The following INSR variants were observed in gnomAD, a reference collection of about 807,000 sequenced individuals.
The protein encoded by INSR is IR.
Under a neutral mutation model 142.6 loss-of-function variants are expected in INSR, and 67 were observed. That is an observed-to-expected ratio of 0.47 (90% CI 0.39 to 0.58). The LOEUF (loss-of-function observed/expected upper bound fraction) is 0.58, where lower values mean the gene tolerates loss of function less well. Among genes scored for constraint, INSR ranks in the 20% least tolerant of loss-of-function variants. INSR has a pLI of 0.00. For missense variants in INSR, 1,248 were observed against 1,833.2 expected (o/e 0.68, Z 5.83); for synonymous variants, 756 against 743.1 (o/e 1.02, Z -0.28).
chr19:7,182,908 C>CA (rs386388474), intron 3 of INSR, among the ~76,000 whole-genome samples: 7,301 of 80,558 alleles, frequency 0.091, 277 homozygotes, highest in Non-Finnish European at 0.1. Flanking sequence ...ATACACTGGC[C>CA]AAAAAAAAAA....
intron 2 of INSR, among the ~76,000 whole-genome samples, chr19:7,213,005 G>A (rs1348444312): frequency 6.6e-6 from 1 of 152,060 alleles, no homozygotes; most frequent in Non-Finnish European, 1.5e-5. Context: ...TCCTTTTTCA[G>A]CTCTGTTTAA....
intron 2 of INSR, among the ~76,000 whole-genome samples, chr19:7,224,778 G>A (rs535572344): frequency 6.6e-6 from 1 of 152,304 alleles, no homozygotes; most frequent in African/African-American, 2.4e-5. Context: ...CTAACCAATA[G>A]CAGGTGGGCT....
chr19:7,285,603 T>C (rs1968327233), intron 1 of INSR, among the ~76,000 whole-genome samples: 1 of 152,002 alleles, frequency 6.6e-6, no homozygotes, highest in African/African-American at 2.4e-5. Flanking sequence ...ACCACTGCAC[T>C]CCAGCCTGGG....
chr19:7,207,571 G>A (rs1451656593), intron 2 of INSR, among the ~76,000 whole-genome samples: 2 of 140,080 alleles, frequency 1.4e-5, no homozygotes, highest in African/African-American at 2.6e-5. Flanking sequence ...CGAGAATAAA[G>A]CAACCATCTC....
intron 16 of INSR, among the ~76,000 whole-genome samples, chr19:7,126,065 GCCCTGGAGCTTT>G (rs1180354108): frequency 3.3e-5 from 5 of 152,198 alleles, no homozygotes; most frequent in Middle Eastern, 3.4e-3. Context: ...CCTGGAGCTT[GCCCTGGAGCTTT>G]CTACTAGGAA....
At position 7,146,236 on chromosome 19, in the gene INSR, C is replaced by CCTTTTTTTTTTTTTTTTTTTTTTTT. The variant is rs1424523294; in HGVS notation, c.2268-3147_2268-3146insAAAAAAAAAAAAAAAAAAAAAAAAG. On this transcript the variant is annotated intron_variant, in intron 11 of 21. Transcript: ENST00000302850. ...TTCAGTGCAGTATCTTTGTCAAGTT[C>CCTTTTTTTTTTTTTTTTTTTTTTTT]TTTTTTTTTTTTTTTTTTTTTTGAG... 7.2e-5 allele frequency among the ~76,000 whole-genome samples: 8 copies of CCTTTTTTTTTTTTTTTTTTTTTTTT among 110,756 alleles called. 4 individuals carry two copies. The highest frequency in any genetic ancestry group is 1.9e-4 in the Admixed American group (2 of 10,702). 72.7% of individuals were successfully genotyped at this position (110,756 alleles called of 152,430 possible).
Position 7,195,641 on chromosome 19 carries a change from C to CA in INSR, c.653-11005dup, listed in dbSNP as rs199523829. 1.6e-3 allele frequency among the ~76,000 whole-genome samples: 227 copies of CA among 143,528 alleles called. 8 individuals are homozygous for CA. The East Asian group carries it at 0.038, about 24-fold the overall frequency. 94.2% of individuals were successfully genotyped at this position (143,528 alleles called of 152,430 possible). On this transcript the variant is annotated intron_variant, in intron 2 of 21. Coordinates refer to ENST00000302850, the MANE Select transcript of INSR (RefSeq NM_000208.4). ...TGGGTGACAGAGTAAGACTCCGCCTCAAAAAAAAATAAAAATAAATAAATA... is the reference window on the plus strand; with the variant it reads ...TGGGTGACAGAGTAAGACTCCGCCTCAAAAAAAAAATAAAAATAAATAAATA...
chr19:7,157,562 C>CTACA (rs148710462), intron 9 of INSR, among the ~76,000 whole-genome samples: 1,899 of 152,080 alleles, frequency 0.012, 35 homozygotes, highest in African/African-American at 0.044. Context: ...CGCACCCAGC[C>CTACA]TACAATACTT....
chr19:7,122,679 A>G lies in INSR; in HGVS notation c.3464T>C (p.Phe1155Ser). Residue 1155 changes from phenylalanine (F) to serine (S), a missense_variant, in exon 19 of 22, where the codon TTT (phenylalanine) becomes TCT (serine). Physicochemically the swap from Phe to Ser is radical, Grantham distance 155. Coordinates refer to ENST00000302850, the MANE Select transcript of INSR (RefSeq NM_000208.4). Reference protein sequence around the residue: ...DGMAYLNAKKFVHRDLAARNC... With the variant: ...DGMAYLNAKKSVHRDLAARNC... ...TCTCGCTGCCAGGTCCCGATGCACAAACTTCTTGGCGTTCAGGTAGGCCAT... is the reference window on the plus strand; with the variant it reads ...TCTCGCTGCCAGGTCCCGATGCACAGACTTCTTGGCGTTCAGGTAGGCCAT... 6.2e-7 allele frequency: 1 copy of G among 1,614,142 alleles called. No individual in the cohort carries two copies. The highest frequency in any genetic ancestry group is 8.5e-7 in the Non-Finnish European group (1 of 1,180,014).
chr19:7,162,917 T>TGC, intron 9 of INSR, 115 bp downstream of exon 9: 1 of 869,228 alleles, frequency 1.2e-6, no homozygotes, highest in Non-Finnish European at 2.0e-6. Context: ...TGTGTGTGTG[T>TGC]GCCTTCCGAC....
At chr19:7,182,624 G>A (rs779914007) in intron 3 of INSR, among the ~76,000 whole-genome samples, 14 of 151,978 alleles carry the variant, frequency 9.2e-5, no homozygotes, top group Non-Finnish European at 1.8e-4. Flanking sequence ...GTTTTCTTCC[G>A]TTCAGGAAAG....
chr19:7,197,083 G>A (rs1301918745), intron 2 of INSR, among the ~76,000 whole-genome samples: 1 of 152,224 alleles, frequency 6.6e-6, no homozygotes, highest in South Asian at 2.1e-4. Flanking sequence ...GGGCAGCCAA[G>A]GAGGTGAACT....
rs746224122 is a variant in INSR, at chr19:7,128,966, T to C, written c.2843-12A>G. Reference sequence around the variant, plus strand: ...TGACGGGACGTCTACTGAAATAGAATAAGAAAATATATGTTTCATATCAAT... The same window carrying C: ...TGACGGGACGTCTACTGAAATAGAACAAGAAAATATATGTTTCATATCAAT... On this transcript the variant is annotated splice_polypyrimidine_tract_variant and intron_variant, in intron 14 of 21. Transcript: ENST00000302850. The C allele has an allele frequency of 1.3e-6, 2 of 1,565,076 alleles. No homozygotes were observed. Among genetic ancestry groups the C allele is most frequent in the East Asian group, 4.5e-5 (2 of 44,622 alleles).
chr19:7,226,742 A>G (rs974729194), intron 2 of INSR, among the ~76,000 whole-genome samples: 1 of 151,426 alleles, frequency 6.6e-6, no homozygotes, highest in African/African-American at 2.4e-5. Flanking sequence ...AAAAAAAAAA[A>G]AATGCCTGAA....
At chr19:7,255,857 G>A (rs961599379) in intron 2 of INSR, among the ~76,000 whole-genome samples, 2 of 152,000 alleles carry the variant, frequency 1.3e-5, no homozygotes, top group East Asian at 3.9e-4. Flanking sequence ...GGGTTTACAG[G>A]TATGACCCAC....
At position 7,166,704 on chromosome 19, in the gene INSR, G is replaced by A. The variant is rs948687806; in HGVS notation, c.1611-300C>T. 6.6e-6 allele frequency among the ~76,000 whole-genome samples: 1 copy of A among 152,170 alleles called. No individual in the cohort carries two copies. ...GGAGGCCGAGAATGGCGGATCACCA[G>A]AAGTCAGGAGTTCGAGACCAGCCTG... On this transcript the variant is annotated intron_variant, in intron 7 of 21. Transcript: ENST00000302850. This position sits in a 1 kb window ranked among gnomAD's most constrained non-coding sequence, Gnocchi z 4.1.
At chr19:7,229,760 C>CT (rs71177180) in intron 2 of INSR, among the ~76,000 whole-genome samples, 4,645 of 87,392 alleles carry the variant, frequency 0.053, 189 homozygotes, top group African/African-American at 0.085. Context: ...CATTTACAGT[C>CT]TTTTTTTTTT....
intron 2 of INSR, among the ~76,000 whole-genome samples, chr19:7,238,068 C>A (rs578228637): frequency 6.6e-6 from 1 of 152,166 alleles, no homozygotes; most frequent in Non-Finnish European, 1.5e-5. Flanking sequence ...GAAAGAAAAT[C>A]CTCCTAGAAC....
chr19:7,285,839 G>A, intron 1 of INSR, among the ~76,000 whole-genome samples: 1 of 152,098 alleles, frequency 6.6e-6, no homozygotes, highest in Non-Finnish European at 1.5e-5. Flanking sequence ...TGATAAAGGG[G>A]TGAATTGAGG....
Sources: gnomAD v4.1 joint callset for allele counts (sites outside exome capture counted in the v4.1 genomes callset) on GRCh38, gnomAD v4.1.1 for gene constraint, Gnocchi (gnomAD v3.1) non-coding constraint, MANE v1.5 for transcripts, NCBI Gene and HGNC (gene_info 2026-07-23, HGNC 2026-07-21) for gene names.